WNK2: variants seen among roughly 807,000 people sequenced by gnomAD.
WNK2 encodes WNK lysine deficient protein kinase 2.
In WNK2, 67 loss-of-function variants were observed where a neutral mutation model predicts 192.1. That is an observed-to-expected ratio of 0.35 (90% confidence interval 0.29 to 0.43). WNK2 has a LOEUF of 0.43. Ranked by LOEUF, WNK2 falls within the 20% of genes least tolerant of loss-of-function variation. WNK2 has a pLI of 1.00. For synonymous variants in WNK2, 1,439 were observed against 1,393.9 expected (o/e 1.03, Z -0.72); for missense variants, 2,698 against 3,089.7 (o/e 0.87, Z 3.01).
At chr9:93,268,906 T>C (rs1371044259) in intron 19 of WNK2, 160 bp downstream of exon 19, 2 of 1,562,928 alleles carry the variant, frequency 1.3e-6, no homozygotes, top group Non-Finnish European at 1.7e-6. Flanking sequence ...GCTGTGTTCC[T>C]ATCCTTGTTT....
In WNK2 at chr9:93,229,800, G is replaced by A. The variant is rs142066445; in HGVS notation, c.786G>A (p.Glu262=). Residue 262 remains glutamate, a synonymous_variant, in exon 3 of 30, where the codon GAG becomes GAA. Coordinates refer to ENST00000427277, the MANE Select transcript of WNK2 (RefSeq NM_006648.4). This position sits in a 1 kb window ranked among gnomAD's most constrained non-coding sequence, Gnocchi z 4.9. ...TCGTGCGCTTCTACGACTTCTGGGAGTCCAGCGCCAAGGGCAAGCGGTGCA... is the reference window on the plus strand; with the variant it reads ...TCGTGCGCTTCTACGACTTCTGGGAATCCAGCGCCAAGGGCAAGCGGTGCA... The part of the protein sequence containing the change: ...PNIVRFYDFW[E]SSAKGKRCIV... 35 of 1,613,856 alleles carry A rather than the reference G, an allele frequency of 2.2e-5. No individual in the cohort carries two copies. The African/African-American group carries it at 3.1e-4, about 14-fold the overall frequency.
In WNK2 at chr9:93,292,849, C is replaced by G; in HGVS notation, c.5384C>G (p.Ser1795Cys). ...GCAGTGCGGCGGGCGCAGACGGCCT[C>G]CTCCATCGAGGTCGGCGTGGGCGAG... ...KLAVRRAQTA[S>C]SIEVGVGEPV... The change falls in exon 23 of 30, where the codon TCC becomes TGC. Residue 1795 changes from serine to cysteine, a missense_variant. Ser to Cys is a moderately radical substitution (Grantham distance 112). This residue lies in a region of WNK2 where 1,098 missense variants were observed against 1,101.0 expected (regional missense o/e 1.00). Transcript: ENST00000427277. The G allele has an allele frequency of 6.7e-7, 1 of 1,496,886 alleles. No individual in the cohort carries two copies. Among genetic ancestry groups the G allele is most frequent in the Non-Finnish European group, 8.9e-7 (1 of 1,121,922 alleles). The allele number at this position is 1,496,886 out of a possible 1,614,324, so 92.7% of individuals were successfully genotyped here.
intron 2 of WNK2, among the ~76,000 whole-genome samples, chr9:93,213,312 CACTTT>C (rs1172806908): frequency 6.6e-6 from 1 of 152,102 alleles, no homozygotes; most frequent in South Asian, 2.1e-4. Context: ...CATTTTATTT[CACTTT>C]ACTTCATTCA....
intron 2 of WNK2, among the ~76,000 whole-genome samples, chr9:93,187,092 C>A (rs1043473985): frequency 6.6e-6 from 1 of 152,138 alleles, no homozygotes; most frequent in Non-Finnish European, 1.5e-5. Context: ...ACCGGAGCAC[C>A]CTCAGGTGCT....
chr9:93,317,029 C>T (rs766113039), intron 28 of WNK2: 2 of 189,688 alleles, frequency 1.1e-5, no homozygotes, highest in Admixed American at 5.4e-5. Context: ...GCACACCCCG[C>T]ATACAGCTTC....
At chr9:93,236,708 C>G (rs10821094) in intron 5 of WNK2, among the ~76,000 whole-genome samples, 2 of 152,008 alleles carry the variant, frequency 1.3e-5, no homozygotes, top group Non-Finnish European at 2.9e-5. Context: ...GGCTGCCACC[C>G]GCACCCCCCC....
At chr9:93,268,351 C>G (rs1845496270) in intron 18 of WNK2, among the ~76,000 whole-genome samples, 1 of 152,166 alleles carries the variant, frequency 6.6e-6, no homozygotes, top group Admixed American at 6.5e-5. Context: ...CTGCTGTGCA[C>G]CCCTTGCCCT....
intron 21 of WNK2, among the ~76,000 whole-genome samples, chr9:93,290,478 C>G (rs2133834309): frequency 6.6e-6 from 1 of 152,268 alleles, no homozygotes; most frequent in South Asian, 2.1e-4. Context: ...CTACTGAGTT[C>G]TAGAAGGAGC....
At chr9:93,216,827 A>AACAAC in intron 2 of WNK2, among the ~76,000 whole-genome samples, 1 of 142,710 alleles carries the variant, frequency 7.0e-6, no homozygotes, top group African/African-American at 2.5e-5. Context: ...CAACAACAAC[A>AACAAC]AACAAACAAA....
chr9:93,251,949 GTTATT>G (rs1842659162), intron 8 of WNK2, among the ~76,000 whole-genome samples: 1 of 152,132 alleles, frequency 6.6e-6, no homozygotes, highest in East Asian at 1.9e-4. Flanking sequence ...CCTGGGAAAA[GTTATT>G]TTAACGCCAA....
chr9:93,185,269 G>A lies in WNK2; in HGVS notation c.340G>A (p.Ala114Thr). 2 of 1,313,486 alleles carry A rather than the reference G, an allele frequency of 1.5e-6. No homozygotes were observed. The highest frequency in any genetic ancestry group is 1.9e-6 in the Non-Finnish European group (2 of 1,037,388). The allele number at this position is 1,313,486 out of a possible 1,614,324, so 81.4% of individuals were successfully genotyped here. A position where few individuals can be genotyped will look rare whatever the true frequency, so the allele number is the denominator to read the frequency against. Residue 114 changes from alanine to threonine, a missense_variant, in exon 2 of 30, where the codon GCC becomes ACC. Ala to Thr is a moderately conservative substitution (Grantham distance 58, BLOSUM62 0). Coordinates refer to ENST00000427277, the MANE Select transcript of WNK2 (RefSeq NM_006648.4). ...QPGAPGAPAD[A>T]GPEPVGTQEP... Reference sequence around the variant, plus strand: ...GGGAGCCCCCGGAGCCCCCGCGGACGCCGGCCCCGAGCCCGTGGGCACGCA... The same window carrying A: ...GGGAGCCCCCGGAGCCCCCGCGGACACCGGCCCCGAGCCCGTGGGCACGCA...
At chr9:93,279,770 GT>G (rs1168751230) in intron 19 of WNK2, among the ~76,000 whole-genome samples, 4 of 152,138 alleles carry the variant, frequency 2.6e-5, no homozygotes, top group Non-Finnish European at 5.9e-5. Flanking sequence ...CAGATGTTTG[GT>G]TTTTGATAAA....
intron 26 of WNK2, among the ~76,000 whole-genome samples, chr9:93,302,722 G>C (rs1190434310): frequency 2.0e-5 from 3 of 152,152 alleles, no homozygotes; most frequent in Non-Finnish European, 2.9e-5. Flanking sequence ...GGCCCGAGCT[G>C]ACTCAAGGTG....
At position 93,239,743 on chromosome 9, in the gene WNK2, T is replaced by C. The variant is rs971894398; in HGVS notation, c.1323-14T>C. Reference sequence around the variant, plus strand: ...GGCGCCCGTGCCCCTGCCTGTCAGCTGCTCTCCCTCCAGGTACGAGATCAA... The same window carrying C: ...GGCGCCCGTGCCCCTGCCTGTCAGCCGCTCTCCCTCCAGGTACGAGATCAA... On this transcript the variant is annotated splice_polypyrimidine_tract_variant and intron_variant, in intron 6 of 29. Transcript: ENST00000427277. This position sits in a 1 kb window ranked among gnomAD's most constrained non-coding sequence, Gnocchi z 4.2. The C allele has an allele frequency of 6.5e-7, 1 of 1,542,802 alleles. No individual in the cohort carries two copies. The highest frequency in any genetic ancestry group is 8.8e-7 in the Non-Finnish European group (1 of 1,140,506).
At chr9:93,315,608 G>T (rs1255745823) in intron 28 of WNK2, 1 of 152,196 alleles carries the variant, frequency 6.6e-6, no homozygotes. Context: ...TCACGTTATT[G>T]TGATAGGGGC....
At chr9:93,253,602 A>G (rs1842889570) in intron 9 of WNK2, among the ~76,000 whole-genome samples, 1 of 152,098 alleles carries the variant, frequency 6.6e-6, no homozygotes, top group African/African-American at 2.4e-5. Flanking sequence ...GGCTCCTGGC[A>G]CTTCTCTCCC....
At chr9:93,272,270 A>G (rs1179072021) in intron 19 of WNK2, among the ~76,000 whole-genome samples, 2 of 152,248 alleles carry the variant, frequency 1.3e-5, no homozygotes, top group Non-Finnish European at 2.9e-5. Context: ...AGTAAAAAAA[A>G]GATTATAACA....
At position 93,308,350 on chromosome 9, in the gene WNK2, C is replaced by G; in HGVS notation, c.6282C>G (p.Ala2094=). The G allele has an allele frequency of 6.4e-7, 1 of 1,555,684 alleles. No individual in the cohort carries two copies. Among genetic ancestry groups the G allele is most frequent in the Non-Finnish European group, 8.7e-7 (1 of 1,149,844 alleles). The part of the protein sequence containing the change: ...HSSRSSTSSL[A]PGPEPGPQPA... Reference sequence around the variant, plus strand: ...CAGGGTCCTCCACCAGCAGCCTGGCCCCAGGCCCTGAGCCAGGCCCCCAGC... The same window carrying G: ...CAGGGTCCTCCACCAGCAGCCTGGCGCCAGGCCCTGAGCCAGGCCCCCAGC... Residue 2094 remains alanine (A), a synonymous_variant, in exon 28 of 30, where the codon GCC becomes GCG. Transcript: ENST00000427277.
intron 21 of WNK2, among the ~76,000 whole-genome samples, chr9:93,291,267 C>T (rs1418356940): frequency 1.3e-5 from 2 of 152,148 alleles, no homozygotes; most frequent in Non-Finnish European, 2.9e-5. Context: ...GAGATGTGTC[C>T]GTCCCATGGG....
Sources: gnomAD v4.1 joint callset for allele counts (sites outside exome capture counted in the v4.1 genomes callset) on GRCh38, gnomAD v4.1.1 for gene constraint, gnomAD v4.1.1 regional missense constraint, Gnocchi (gnomAD v3.1) non-coding constraint, MANE v1.5 for transcripts, NCBI Gene and HGNC (gene_info 2026-07-23, HGNC 2026-07-21) for gene names.